The following ABCA12 variants were observed in gnomAD, a reference collection of about 807,000 sequenced individuals.
ABCA12 encodes the protein glucosylceramide transporter ABCA12.
In ABCA12, 156 loss-of-function variants were observed where a neutral mutation model predicts 293.5. The ratio of observed to expected loss-of-function variants is 0.53; its 90% CI spans 0.47 to 0.61. The LOEUF is 0.61. Ranked by LOEUF, ABCA12 falls within the 20% of genes least tolerant of loss-of-function variation. ABCA12 has a pLI of 0.00. For synonymous variants in ABCA12, 1,063 were observed against 1,108.0 expected (o/e 0.96, Z 0.81); for missense variants, 2,797 against 3,090.2 (o/e 0.91, Z 2.25).
At chr2:215,130,386 C>G (rs1016931125) in intron 1 of ABCA12, among the ~76,000 whole-genome samples, 1 of 152,044 alleles carries the variant, frequency 6.6e-6, no homozygotes. Flanking sequence ...TTGGTGTTAT[C>G]TACAATTTAA....
chr2:215,136,782 A>G (rs1009027166), intron 1 of ABCA12, among the ~76,000 whole-genome samples: 10 of 152,292 alleles, frequency 6.6e-5, no homozygotes, highest in East Asian at 3.9e-4. Flanking sequence ...ACTTCCCCCA[A>G]TGAGTTAGAT....
chr2:214,971,729 A>G (rs532530273), intron 36 of ABCA12, among the ~76,000 whole-genome samples: 3 of 152,238 alleles, frequency 2.0e-5, no homozygotes, highest in African/African-American at 7.2e-5. Flanking sequence ...GACATTACCT[A>G]TTCTGTTAGT....
chr2:215,076,348 G>A (rs1242300504), intron 2 of ABCA12, among the ~76,000 whole-genome samples: 1 of 152,092 alleles, frequency 6.6e-6, no homozygotes, highest in Non-Finnish European at 1.5e-5. Flanking sequence ...TTCCCACGTT[G>A]TACAGTTAAA....
chr2:215,045,719 G>C, intron 7 of ABCA12, 118 bp downstream of exon 7: 1 of 929,138 alleles, frequency 1.1e-6, no homozygotes, highest in South Asian at 1.6e-5. Flanking sequence ...ATAAGAGGCT[G>C]AAGGATTATT....
intron 2 of ABCA12, among the ~76,000 whole-genome samples, chr2:215,070,537 C>A (rs1264224189): frequency 2.9e-5 from 3 of 102,460 alleles, no homozygotes; most frequent in South Asian, 9.1e-4. Context: ...CTCCCCCCTC[C>A]CCCCACCCCA....
chr2:214,981,972 ATTATTATTATTATT>A (rs1699674027), intron 30 of ABCA12, among the ~76,000 whole-genome samples: 2 of 128,406 alleles, frequency 1.6e-5, no homozygotes, highest in African/African-American at 6.4e-5. Flanking sequence ...TATTATTATT[ATTATTATTATTATT>A]TTATTATTAT....
intron 2 of ABCA12, among the ~76,000 whole-genome samples, chr2:215,067,277 CCT>C (rs1701656935): frequency 6.6e-6 from 1 of 151,960 alleles, no homozygotes; most frequent in African/African-American, 2.4e-5. Context: ...AAAAGAGAAG[CCT>C]CTCTCTTTCT....
intron 2 of ABCA12, among the ~76,000 whole-genome samples, chr2:215,073,878 G>T (rs1328123305): frequency 6.6e-6 from 1 of 152,184 alleles, no homozygotes; most frequent in African/African-American, 2.4e-5. Flanking sequence ...AAGCATCGGG[G>T]ATTCCTCTAA....
chr2:215,075,992 T>C (rs1219381615), intron 2 of ABCA12, among the ~76,000 whole-genome samples: 2 of 152,234 alleles, frequency 1.3e-5, no homozygotes, highest in East Asian at 1.9e-4. Flanking sequence ...CTCAACAGTT[T>C]GTGTAATATT....
chr2:215,011,329 A>G (rs1246807841), intron 17 of ABCA12, 110 bp downstream of exon 17: 4 of 838,844 alleles, frequency 4.8e-6, no homozygotes, highest in Non-Finnish European at 7.7e-6. Context: ...TTCTATTTTT[A>G]TTCTTGGGGA....
intron 14 of ABCA12, among the ~76,000 whole-genome samples, chr2:215,016,605 A>AAAAAAAAAAAAAAAAT (rs1553534171): frequency 7.2e-6 from 1 of 139,186 alleles, no homozygotes; most frequent in African/African-American, 2.8e-5. Context: ...AAAAAAAAAA[A>AAAAAAAAAAAAAAAAT]AAAAAAAAAG....
intron 13 of ABCA12, among the ~76,000 whole-genome samples, 167 bp downstream of exon 13, chr2:215,019,169 T>A (rs1169850311): frequency 6.6e-6 from 1 of 152,244 alleles, no homozygotes; most frequent in Non-Finnish European, 1.5e-5. Context: ...TTTCTGTGTG[T>A]TTACTTTAGA....
intron 17 of ABCA12, 58 bp downstream of exon 17, chr2:215,011,381 G>A (rs1048555065): frequency 8.0e-7 from 1 of 1,257,262 alleles, no homozygotes; most frequent in Non-Finnish European, 1.2e-6. Flanking sequence ...AGACAGAATA[G>A]ACAGTATTCT....
At chr2:215,040,201 A>G (rs892776673) in intron 7 of ABCA12, among the ~76,000 whole-genome samples, 1 of 152,204 alleles carries the variant, frequency 6.6e-6, no homozygotes, top group Non-Finnish European at 1.5e-5. Context: ...AAGATCAAGT[A>G]TTACTGGACC....
intron 2 of ABCA12, among the ~76,000 whole-genome samples, chr2:215,094,162 C>A (rs1702203822): frequency 6.6e-6 from 1 of 152,172 alleles, no homozygotes; most frequent in Admixed American, 6.5e-5. Context: ...TCCTGCACCA[C>A]CATGCTGTTA....
intron 44 of ABCA12, among the ~76,000 whole-genome samples, chr2:214,951,446 T>A (rs576049010): frequency 6.6e-6 from 1 of 152,214 alleles, no homozygotes; most frequent in Admixed American, 6.5e-5. Context: ...TCTACAAACC[T>A]AAGACCAATG....
intron 18 of ABCA12, among the ~76,000 whole-genome samples, chr2:215,008,091 T>C (rs544111798): frequency 6.6e-6 from 1 of 152,296 alleles, no homozygotes; most frequent in African/African-American, 2.4e-5. Flanking sequence ...AGTGAGTTTA[T>C]AGCCAAAATG....
At position 215,011,491 on chromosome 2, in the gene ABCA12, A is replaced by G. The variant is rs753448110; in HGVS notation, c.2280T>C (p.Tyr760=). ...AAGCAATTTGCTCTTTAGTTAATTT[A>G]TAAGTCAAAAAATCCTTGGTGTGGT... ...KGNHTKDFLT[Y]KLTKEQIASK... is the part of the protein sequence containing the mutation. The change falls in exon 17 of 53, where the codon TAT becomes TAC. Residue 760 remains tyrosine (Y), a synonymous_variant. Transcript: ENST00000272895. 8.7e-6 allele frequency: 14 copies of G among 1,613,896 alleles called. No individual in the cohort carries two copies. The highest frequency in any genetic ancestry group is 9.3e-6 in the Non-Finnish European group (11 of 1,179,896).
At chr2:215,052,638 C>T in intron 4 of ABCA12, 54 bp from the exon 5 acceptor site, 1 of 1,410,308 alleles carries the variant, frequency 7.1e-7, no homozygotes, top group Admixed American at 1.7e-5. Context: ...CACAAATGCA[C>T]AGGACCACAT....
Sources: allele counts gnomAD v4.1 joint callset (sites outside exome capture counted in the v4.1 genomes callset), GRCh38; gene constraint gnomAD v4.1.1; transcripts MANE v1.5; gene names NCBI Gene and HGNC (gene_info 2026-07-23, HGNC 2026-07-21).